Variants in DYSF observed in about 807,000 individuals in gnomAD.
The protein encoded by DYSF is dysferlin.
DYSF carries 212 observed loss-of-function variants against 274.9 expected under a neutral mutation model. That is an observed-to-expected ratio of 0.77 (90% CI 0.69 to 0.86). The LOEUF is 0.86. DYSF is among the 40% of genes least tolerant of loss of function. The pLI is 0.00. For synonymous variants in DYSF, 1,091 were observed against 1,078.7 expected (o/e 1.01, Z -0.22); for missense variants, 2,666 against 2,783.2 (o/e 0.96, Z 0.95).
In DYSF at chr2:71,600,689, A is replaced by G. The variant is rs2093528703; in HGVS notation, c.3757-13A>G. ...AAGGGATGCTGATTCTTGTCTCTCT[A>G]CGCTTGGTCTAGGGTGCAGACGAGT... On this transcript the variant is annotated splice_polypyrimidine_tract_variant and intron_variant, in intron 33 of 55. Coordinates refer to ENST00000410020, the MANE Select transcript of DYSF (RefSeq NM_001130987.2). The G allele has an allele frequency of 1.2e-6, 2 of 1,614,024 alleles. No individual in the cohort carries two copies. Among genetic ancestry groups the G allele is most frequent in the Non-Finnish European group, 1.7e-6 (2 of 1,180,038 alleles).
In DYSF at chr2:71,535,047, G is replaced by A. The variant is rs150093305; in HGVS notation, c.1407G>A (p.Thr469=). The part of the protein sequence containing the change: ...KMLCSKILEK[T]ANPQWNQNIT... The stretch of plus-strand genomic sequence containing the variant: ...TGTGCAGCAAGATCTTGGAGAAGAC[G>A]GCCAACCCTCAGTGGAACCAGAACA... The change falls in exon 15 of 56, where the codon ACG becomes ACA. Residue 469 remains threonine (T), a synonymous_variant. Transcript: ENST00000410020. 5.0e-5 allele frequency: 80 copies of A among 1,614,092 alleles called. No individual in the cohort carries two copies. The African/African-American group carries it at 8.1e-4, about 16-fold the overall frequency.
At position 71,513,796 on chromosome 2, in the gene DYSF, C is replaced by G; in HGVS notation, c.634C>G (p.Pro212Ala). ...AEPFLDQSGG[P>A]GAPTTPRKLP... ...GCCATTCCTGGATCAAAGCGGAGGC[C>G]CGGGGGCTCCCACCACCCCAAGGAA... Residue 212 changes from proline to alanine, a missense_variant, in exon 7 of 56, where the codon CCG becomes GCG. By Grantham distance (27) the Pro-to-Ala change is conservative. Coordinates refer to ENST00000410020, the MANE Select transcript of DYSF (RefSeq NM_001130987.2). 6 of 1,614,180 alleles carry G rather than the reference C, an allele frequency of 3.7e-6. No homozygotes were observed. The highest frequency in any genetic ancestry group is 5.1e-6 in the Non-Finnish European group (6 of 1,180,012).
At chr2:71,526,722 C>T (rs2087964813) in intron 13 of DYSF, among the ~76,000 whole-genome samples, 1 of 152,236 alleles carries the variant, frequency 6.6e-6, no homozygotes, top group African/African-American at 2.4e-5. Context: ...AGTGGCAGAG[C>T]TGGGCTGGGG....
chr2:71,610,383 T>C (rs544915947), intron 36 of DYSF, among the ~76,000 whole-genome samples: 1 of 152,298 alleles, frequency 6.6e-6, no homozygotes, highest in African/African-American at 2.4e-5. Context: ...CTATAGGAGG[T>C]GAAATAATTT....
At chr2:71,662,769 ATGTG>A (rs750036259) in intron 45 of DYSF, among the ~76,000 whole-genome samples, 51 of 123,774 alleles carry the variant, frequency 4.1e-4, no homozygotes, top group African/African-American at 1.4e-3. Flanking sequence ...GTGTATTTGT[ATGTG>A]TGTGTGTATG....
At chr2:71,575,525 G>T (rs1301697624) in intron 30 of DYSF, among the ~76,000 whole-genome samples, 1 of 152,156 alleles carries the variant, frequency 6.6e-6, no homozygotes, top group East Asian at 1.9e-4. Context: ...TGCTGCCCAG[G>T]TCAGAGCAGC....
chr2:71,580,230 T>A (rs2092840976), intron 30 of DYSF, among the ~76,000 whole-genome samples: 1 of 152,164 alleles, frequency 6.6e-6, no homozygotes, highest in African/African-American at 2.4e-5. Context: ...GTCGGGCAGC[T>A]AGAGAGGAGC....
At chr2:71,641,334 A>G (rs375666721) in intron 41 of DYSF, among the ~76,000 whole-genome samples, 1,873 of 151,544 alleles carry the variant, frequency 0.012, 24 homozygotes, top group East Asian at 0.03. Context: ...GCCCGCCACC[A>G]CGCCCGGCTA....
At chr2:71,582,506 T>C (rs577846051) in intron 30 of DYSF, among the ~76,000 whole-genome samples, 177 of 152,284 alleles carry the variant, frequency 1.2e-3, no homozygotes, top group African/African-American at 3.6e-3. Flanking sequence ...TGGATAATGG[T>C]TGGGTTGTGC....
At chr2:71,531,596 A>G (rs1277536398) in intron 14 of DYSF, among the ~76,000 whole-genome samples, 1 of 151,842 alleles carries the variant, frequency 6.6e-6, no homozygotes, top group Non-Finnish European at 1.5e-5. Context: ...GACACGTATC[A>G]AAGGACACAG....
intron 52 of DYSF, among the ~76,000 whole-genome samples, chr2:71,675,476 C>A (rs2095204597): frequency 6.6e-6 from 1 of 152,102 alleles, no homozygotes; most frequent in Non-Finnish European, 1.5e-5. Context: ...TTAGCTGAGC[C>A]CTGGGGCCCC....
chr2:71,669,152 A>G lies in DYSF; in HGVS notation c.5587A>G (p.Ile1863Val), dbSNP rs1332874598. The change falls in exon 50 of 56, where the codon ATC becomes GTC. Residue 1863 changes from isoleucine (I) to valine (V), a missense_variant. Coordinates refer to ENST00000410020, the MANE Select transcript of DYSF (RefSeq NM_001130987.2). ...TATTATCTGGAATACCAGAGATGTG[A>G]TCCTGGATGACCTGAGCCTCACGGG... Reference protein sequence around the residue: ...RCIIWNTRDVILDDLSLTGEK... With the variant: ...RCIIWNTRDVVLDDLSLTGEK... 1.9e-6 allele frequency: 3 copies of G among 1,610,294 alleles called. No homozygotes were observed. In the Admixed American group the frequency reaches 5.0e-5, roughly 27 times the overall value.
At chr2:71,522,922 C>G (rs1247640296) in intron 12 of DYSF, among the ~76,000 whole-genome samples, 3 of 152,116 alleles carry the variant, frequency 2.0e-5, no homozygotes, top group Admixed American at 6.6e-5. Context: ...CAGTGTACGC[C>G]TCTTCTTTTT....
chr2:71,589,782 C>A, intron 31 of DYSF, 96 bp downstream of exon 31: 1 of 1,216,772 alleles, frequency 8.2e-7, no homozygotes, highest in Non-Finnish European at 1.2e-6. Context: ...GTATGTGGGG[C>A]TCTGGGGAGC....
At chr2:71,530,150 G>T (rs1218481704) in intron 14 of DYSF, among the ~76,000 whole-genome samples, 1 of 145,696 alleles carries the variant, frequency 6.9e-6, no homozygotes, top group African/African-American at 2.5e-5. Flanking sequence ...CCTGCGCCTG[G>T]CATCAGGAGG....
rs2092226185 is a variant in DYSF, at chr2:71,568,235, A to G, written c.2761A>G (p.Lys921Glu). 1.2e-6 allele frequency: 2 copies of G among 1,614,104 alleles called. No individual in the cohort carries two copies. Among genetic ancestry groups the G allele is most frequent in the South Asian group, 2.2e-5 (2 of 91,076 alleles). Residue 921 changes from lysine (K) to glutamate (E), a missense_variant, in exon 26 of 56, where the codon AAG (lysine) becomes GAG (glutamate). By Grantham distance (56) the Lys-to-Glu change is moderately conservative. Around this residue, in one of 3 missense-constraint regions of DYSF, gnomAD observed 412 missense variants for 504.0 expected, o/e 0.82. Coordinates refer to ENST00000410020, the MANE Select transcript of DYSF (RefSeq NM_001130987.2). ...GGGCACAACGGGCCTCACCTACCCC[A>G]AGTTTTCTGACGTCACGGGCAAGAT... Reference protein sequence around the residue: ...NWGTTGLTYPKFSDVTGKIKL... With the variant: ...NWGTTGLTYPEFSDVTGKIKL...
intron 43 of DYSF, 107 bp downstream of exon 43, chr2:71,656,397 G>T: frequency 6.6e-7 from 1 of 1,514,114 alleles, no homozygotes; most frequent in East Asian, 2.3e-5. Flanking sequence ...TGGTGCTGAT[G>T]TTGGTGACCA....
At chr2:71,538,586 T>C (rs191187471) in intron 16 of DYSF, among the ~76,000 whole-genome samples, 170 of 152,344 alleles carry the variant, frequency 1.1e-3, no homozygotes, top group African/African-American at 3.9e-3. Flanking sequence ...AGTGCTTGTT[T>C]CTCAAGGCTG....
At position 71,553,890 on chromosome 2, in the gene DYSF, A is replaced by C. The variant is rs367901920; in HGVS notation, c.2068A>C (p.Ile690Leu). 3.1e-6 allele frequency: 5 copies of C among 1,614,142 alleles called. No homozygotes were observed. The highest frequency in any genetic ancestry group is 4.2e-6 in the Non-Finnish European group (5 of 1,180,022). The change falls in exon 21 of 56, where the codon ATC becomes CTC. Residue 690 changes from isoleucine (I) to leucine (L), a missense_variant. Physicochemically the swap from Ile to Leu is conservative, Grantham distance 5 (BLOSUM62 2). Around this residue, in one of 3 missense-constraint regions of DYSF, gnomAD observed 412 missense variants for 504.0 expected, o/e 0.82. Transcript: ENST00000410020. ...SSYWEDISHR[I>L]ETQNQLLGIA... The stretch of plus-strand genomic sequence containing the variant: ...CTACTGGGAGGACATCAGCCATAGA[A>C]TCGAGACTCAGAACCAGCTGCTTGG...
Sources: allele counts gnomAD v4.1 joint callset (sites outside exome capture counted in the v4.1 genomes callset), GRCh38; gene constraint gnomAD v4.1.1; regional missense constraint gnomAD v4.1.1; transcripts MANE v1.5; gene names NCBI Gene and HGNC (gene_info 2026-07-23, HGNC 2026-07-21).